Variants in TNKS observed in about 807,000 individuals in gnomAD.
TNKS encodes poly [ADP-ribose] polymerase tankyrase-1.
Under a neutral mutation model 135.8 loss-of-function variants are expected in TNKS, and 72 were observed. The ratio of observed to expected loss-of-function variants is 0.53; its 90% CI spans 0.44 to 0.64. The LOEUF is 0.64. Among genes scored for constraint, TNKS ranks in the 30% least tolerant of loss-of-function variants. TNKS has a pLI of 0.00. For synonymous variants in TNKS, 849 were observed against 649.3 expected, an observed-to-expected ratio of 1.31 and a Z score of -4.68; for missense variants, 1,769 against 1,674.0, an observed-to-expected ratio of 1.06 and a Z score of -0.99.
At chr8:9,663,025 A>G (rs1253006130) in intron 3 of TNKS, among the ~76,000 whole-genome samples, 1 of 152,200 alleles carries the variant, frequency 6.6e-6, no homozygotes, top group African/African-American at 2.4e-5. Context: ...AGGATTCTTT[A>G]AAGGAGGCTC....
At chr8:9,725,116 G>T (rs565865512) in intron 12 of TNKS, among the ~76,000 whole-genome samples, 2 of 152,058 alleles carry the variant, frequency 1.3e-5, no homozygotes, top group East Asian at 3.9e-4. Context: ...CTATAAATGC[G>T]GTAGTGTATG....
intron 3 of TNKS, among the ~76,000 whole-genome samples, chr8:9,672,844 G>A (rs1029455988): frequency 1.3e-5 from 2 of 151,902 alleles, no homozygotes; most frequent in East Asian, 1.9e-4. Flanking sequence ...AACCTGCCAT[G>A]CTTAGAGAGT....
intron 2 of TNKS, among the ~76,000 whole-genome samples, chr8:9,610,257 T>C (rs1331721596): frequency 6.6e-6 from 1 of 151,850 alleles, no homozygotes; most frequent in African/African-American, 2.4e-5. Flanking sequence ...AAGTAATGTG[T>C]ATTTTGGATG....
At chr8:9,592,887 C>A (rs139193541) in intron 2 of TNKS, among the ~76,000 whole-genome samples, 4 of 152,200 alleles carry the variant, frequency 2.6e-5, no homozygotes, top group Admixed American at 6.5e-5. Flanking sequence ...TATTCATATA[C>A]AAATATAAAA....
In TNKS at chr8:9,691,201, T is replaced by C. The variant is rs62491549; in HGVS notation, c.1107+10401T>C. On this transcript the variant is annotated intron_variant, in intron 5 of 26. Transcript: ENST00000310430. Reference sequence around the variant, plus strand: ...ACCAAGTGACTGTCTGTTAGAGATATCTAGAAAAATCCTGCACTGGGAAGG... The same window carrying C: ...ACCAAGTGACTGTCTGTTAGAGATACCTAGAAAAATCCTGCACTGGGAAGG... Among the ~76,000 whole-genome samples the C allele has an allele frequency of 8.2e-3, 1,252 of 152,338 alleles. 5 individuals carry two copies. The highest frequency in any genetic ancestry group is 0.017 in the Middle Eastern group (5 of 294).
At chr8:9,602,475 C>T (rs138043394) in intron 2 of TNKS, among the ~76,000 whole-genome samples, 9 of 152,326 alleles carry the variant, frequency 5.9e-5, no homozygotes, top group Admixed American at 5.2e-4. Flanking sequence ...CCCATCCTCT[C>T]TTGTTCCCAG....
rs1475710264 is a variant in TNKS at position 9,589,593 on chromosome 8, A to G, written c.898+9210A>G. 3.3e-5 allele frequency among the ~76,000 whole-genome samples: 5 copies of G among 152,212 alleles called. No individual in the cohort carries two copies. The East Asian group carries it at 7.7e-4, about 23-fold the overall frequency. On this transcript the variant is annotated intron_variant, in intron 2 of 26. Transcript: ENST00000310430. ...AATCTGATGCCCCACTTTGAGTTAGATGTTGACCCTTAATCAGTTAGCTTT... is the reference window on the plus strand; with the variant it reads ...AATCTGATGCCCCACTTTGAGTTAGGTGTTGACCCTTAATCAGTTAGCTTT...
chr8:9,619,413 G>C (rs1585238455), intron 3 of TNKS, among the ~76,000 whole-genome samples: 1 of 152,284 alleles, frequency 6.6e-6, no homozygotes, highest in South Asian at 2.1e-4. Flanking sequence ...TTGAGCCTGA[G>C]AGTTTGGAAA....
chr8:9,569,380 TA>T (rs1441817886), intron 1 of TNKS, among the ~76,000 whole-genome samples: 1 of 152,212 alleles, frequency 6.6e-6, no homozygotes, highest in African/African-American at 2.4e-5. Context: ...CTGCAATCCA[TA>T]AGCTCCTGTC....
chr8:9,712,781 T>C (rs922418145), intron 11 of TNKS, among the ~76,000 whole-genome samples: 6 of 152,072 alleles, frequency 3.9e-5, no homozygotes, highest in Non-Finnish European at 8.8e-5. Context: ...TCCCAGCTAC[T>C]CGGGAGGCTG....
chr8:9,561,001 T>C (rs1797305514), intron 1 of TNKS, among the ~76,000 whole-genome samples: 1 of 152,200 alleles, frequency 6.6e-6, no homozygotes. Flanking sequence ...AATTTATTGC[T>C]AATAGCAAAA....
intron 3 of TNKS, among the ~76,000 whole-genome samples, chr8:9,650,476 A>T (rs1038538633): frequency 6.6e-6 from 1 of 152,098 alleles, no homozygotes; most frequent in Non-Finnish European, 1.5e-5. Flanking sequence ...CCACACCAAC[A>T]TCTGTTATTT....
intron 26 of TNKS, among the ~76,000 whole-genome samples, chr8:9,772,082 AGAAGGAGG>A (rs1807938220): frequency 1.5e-5 from 2 of 136,078 alleles, no homozygotes; most frequent in African/African-American, 5.6e-5. Flanking sequence ...AGAGGGAGAG[AGAAGGAGG>A]GAGGGAGAAA....
chr8:9,781,199 G>C lies in TNKS; in HGVS notation c.*4463G>C. The stretch of plus-strand genomic sequence containing the variant: ...TTTTCCTCCTTTCACATTCTTTTTT[G>C]CTTTACACTTCACGTCTTCGCACCT... On this transcript the variant is annotated 3_prime_UTR_variant, in exon 27 of 27. Transcript: ENST00000310430. 6.6e-6 allele frequency: 1 copy of C among 151,852 alleles called. No individual in the cohort carries two copies. The highest frequency in any genetic ancestry group is 2.1e-4 in the South Asian group (1 of 4,832). 9.4% of individuals were successfully genotyped at this position (151,852 alleles called of 1,614,324 possible). A position where few individuals can be genotyped will look rare whatever the true frequency, so the allele number is the denominator to read the frequency against.
chr8:9,648,152 C>G (rs1800986254), intron 3 of TNKS, among the ~76,000 whole-genome samples: 1 of 152,090 alleles, frequency 6.6e-6, no homozygotes, highest in South Asian at 2.1e-4. Flanking sequence ...AGGCCTAGAG[C>G]ATTATTGTAC....
intron 5 of TNKS, among the ~76,000 whole-genome samples, chr8:9,694,722 A>G (rs1476938359): frequency 6.7e-6 from 1 of 149,430 alleles, no homozygotes; most frequent in Non-Finnish European, 1.5e-5. Flanking sequence ...AGATCACCCC[A>G]CTGCGCTCCA....
At position 9,765,698 on chromosome 8, in the gene TNKS, A is replaced by G. The variant is rs1807398881; in HGVS notation, c.3454A>G (p.Lys1152Glu). ...TTCTTCTTCATCCTTAAAGATTCAAAAAGTTGTCAACAAGAAGTTGAGGGA... is the reference window on the plus strand; with the variant it reads ...TTCTTCTTCATCCTTAAAGATTCAAGAAGTTGTCAACAAGAAGTTGAGGGA... ...FNRYNVIRIQ[K>E]VVNKKLRERF... The change falls in exon 24 of 27, where the codon AAA becomes GAA. Residue 1152 changes from lysine (K) to glutamate (E), a missense_variant. Around this residue, in one of 5 missense-constraint regions of TNKS, gnomAD observed 722 missense variants for 688.9 expected, o/e 1.05. Coordinates refer to ENST00000310430, the MANE Select transcript of TNKS (RefSeq NM_003747.3). The G allele has an allele frequency of 2.5e-6, 4 of 1,613,544 alleles. No individual in the cohort carries two copies. The highest frequency in any genetic ancestry group is 2.7e-5 in the African/African-American group (2 of 74,910).
At chr8:9,727,718 A>T (rs1805232890) in intron 13 of TNKS, among the ~76,000 whole-genome samples, 1 of 152,240 alleles carries the variant, frequency 6.6e-6, no homozygotes, top group African/African-American at 2.4e-5. Flanking sequence ...AGCATTCTTG[A>T]TAACATATAC....
intron 1 of TNKS, among the ~76,000 whole-genome samples, chr8:9,566,725 C>T (rs902826794): frequency 1.3e-4 from 19 of 150,872 alleles, no homozygotes; most frequent in African/African-American, 4.1e-4. Flanking sequence ...TCTCCTGCCT[C>T]AGCCTCCCGA....
Sources: gnomAD v4.1 joint callset for allele counts (sites outside exome capture counted in the v4.1 genomes callset) on GRCh38, gnomAD v4.1.1 for gene constraint, gnomAD v4.1.1 regional missense constraint, MANE v1.5 for transcripts, NCBI Gene and HGNC (gene_info 2026-07-23, HGNC 2026-07-21) for gene names.